Variants in TGFB3 observed in about 807,000 individuals in gnomAD.
The protein encoded by TGFB3 is transforming growth factor beta-3 proprotein.
A neutral mutation model predicts 40.1 loss-of-function variants in TGFB3; 5 were observed. The observed-to-expected ratio is 0.12, with a 90% CI of 0.07 to 0.26. The LOEUF is 0.26. Ranked by LOEUF, TGFB3 falls within the 10% of genes least tolerant of loss-of-function variation. The pLI, the probability that TGFB3 is intolerant of heterozygous loss-of-function variation, is 1.00. For missense variants in TGFB3, 373 were observed against 530.1 expected, an observed-to-expected ratio of 0.70 and a Z score of 2.91; for synonymous variants, 184 against 205.6, an observed-to-expected ratio of 0.89 and a Z score of 0.90.
chr14:75,978,299 C>A lies in TGFB3; in HGVS notation c.352+2243G>T, dbSNP rs1240399314. Among the ~76,000 whole-genome samples the A allele has an allele frequency of 6.6e-6, 1 of 152,184 alleles. No homozygotes were observed. The highest frequency in any genetic ancestry group is 1.5e-5 in the Non-Finnish European group (1 of 68,030). On this transcript the variant is annotated intron_variant, in intron 1 of 6. Transcript: ENST00000238682. This position sits in a 1 kb window ranked among gnomAD's most constrained non-coding sequence, Gnocchi z 5.0. Reference sequence around the variant, plus strand: ...GAGTTAAAGACAGGCTTCCTTCCCCCACCCCGCCCCGCCGCCTTGCAAGCC... The same window carrying A: ...GAGTTAAAGACAGGCTTCCTTCCCCAACCCCGCCCCGCCGCCTTGCAAGCC...
At chr14:75,964,378 T>C (rs1282369410) in intron 4 of TGFB3, among the ~76,000 whole-genome samples, 25 of 152,162 alleles carry the variant, frequency 1.6e-4, no homozygotes, top group Non-Finnish European at 3.4e-4. Flanking sequence ...GTGTTTTCAC[T>C]ATAAAATTCA....
At chr14:75,966,158 G>C in intron 3 of TGFB3, 1 of 230,014 alleles carries the variant, frequency 4.3e-6, no homozygotes, top group Non-Finnish European at 8.6e-6. Flanking sequence ...CTACGGACAG[G>C]GAGTAACTAA....
intron 3 of TGFB3, among the ~76,000 whole-genome samples, chr14:75,967,326 C>T (rs765859689): frequency 2.0e-5 from 3 of 152,204 alleles, no homozygotes; most frequent in Non-Finnish European, 2.9e-5. Flanking sequence ...CCAGCAGGTT[C>T]GCTCAGTGAG....
Position 75,971,537 on chromosome 14 carries a change from C to A in TGFB3, c.516+18G>T. On this transcript the variant is annotated intron_variant, in intron 2 of 6. Coordinates refer to ENST00000238682, the MANE Select transcript of TGFB3 (RefSeq NM_003239.5). This position sits in a 1 kb window ranked among gnomAD's most constrained non-coding sequence, Gnocchi z 4.5. ...AGCTTTCCCGTCGGTGTGGTTTCTG[C>A]TCTGAGAGAGGAGTTACCTGGAAGA... 6.2e-7 allele frequency: 1 copy of A among 1,613,880 alleles called. No individual in the cohort carries two copies. The highest frequency in any genetic ancestry group is 1.1e-5 in the South Asian group (1 of 90,990).
intron 5 of TGFB3, 81 bp downstream of exon 5, chr14:75,963,235 T>C: frequency 6.5e-7 from 1 of 1,530,304 alleles, no homozygotes; most frequent in East Asian, 2.2e-5. Context: ...CTGTTGAGTG[T>C]GGCTTGGCTC....
intron 3 of TGFB3, among the ~76,000 whole-genome samples, chr14:75,968,417 G>A (rs2035247222): frequency 6.6e-6 from 1 of 152,164 alleles, no homozygotes; most frequent in South Asian, 2.1e-4. Flanking sequence ...GGTGGGTGGG[G>A]GACCCATAGG....
Position 75,981,877 on chromosome 14 carries a change from C to G in TGFB3, c.-984G>C, listed in dbSNP as rs1222464820. On this transcript the variant is annotated 5_prime_UTR_variant, in exon 1 of 7. Transcript: ENST00000238682. The surrounding 1 kb of genome is among the most constrained non-coding windows in gnomAD (Gnocchi z 4.7). The stretch of plus-strand genomic sequence containing the variant: ...CGCCTCTTCCCCTGTCTCTGCCTCT[C>G]TCGCTCATTCCCTTGGACTTGACTC... The G allele has an allele frequency of 1.3e-5, 2 of 152,474 alleles. No individual in the cohort carries two copies. Among genetic ancestry groups the G allele is most frequent in the Non-Finnish European group, 2.9e-5 (2 of 68,204 alleles). The allele number at this position is 152,474 out of a possible 1,614,324, so 9.4% of individuals were successfully genotyped here. A position where few individuals can be genotyped will look rare whatever the true frequency, so the allele number is the denominator to read the frequency against.
At chr14:75,974,273 CTT>C (rs1363270526) in intron 1 of TGFB3, among the ~76,000 whole-genome samples, 1 of 152,108 alleles carries the variant, frequency 6.6e-6, no homozygotes, top group African/African-American at 2.4e-5. Context: ...TGGCCGTCCT[CTT>C]TGGTTTCTTC....
chr14:75,967,180 T>G (rs979995874), intron 3 of TGFB3, among the ~76,000 whole-genome samples: 7 of 152,362 alleles, frequency 4.6e-5, no homozygotes, highest in Non-Finnish European at 8.8e-5. Context: ...TTAGGTTGGC[T>G]TGGACATCCC....
Position 75,971,643 on chromosome 14 carries a change from C to G in TGFB3, c.428G>C (p.Arg143Thr). ...GAATTCTGCTCGGAATAGGTTGGTTCTATTTTTCTCCACTGAGGACACATT... is the reference window on the plus strand; with the variant it reads ...GAATTCTGCTCGGAATAGGTTGGTTGTATTTTTCTCCACTGAGGACACATT... ...RFNVSSVEKN[R>T]TNLFRAEFRV... The change falls in exon 2 of 7, where the codon AGA (arginine) becomes ACA (threonine). Residue 143 changes from arginine to threonine, a missense_variant. By Grantham distance (71) the Arg-to-Thr change is moderately conservative. Coordinates refer to ENST00000238682, the MANE Select transcript of TGFB3 (RefSeq NM_003239.5). The surrounding 1 kb of genome is among the most constrained non-coding windows in gnomAD (Gnocchi z 4.5). 1 of 1,614,256 alleles carries G rather than the reference C, an allele frequency of 6.2e-7. No homozygotes were observed. The highest frequency in any genetic ancestry group is 1.1e-5 in the South Asian group (1 of 91,088).
At position 75,965,649 on chromosome 14, in the gene TGFB3, G is replaced by A. The variant is rs780510419; in HGVS notation, c.693C>T (p.Thr231=). 4 of 1,614,206 alleles carry A rather than the reference G, an allele frequency of 2.5e-6. 1 individual carries two copies. The highest frequency in any genetic ancestry group is 2.2e-5 in the South Asian group (2 of 91,076). The change falls in exon 4 of 7, where the codon ACC becomes ACT. Residue 231 remains threonine (T), a synonymous_variant. Coordinates refer to ENST00000238682, the MANE Select transcript of TGFB3 (RefSeq NM_003239.5). ...CCAGGATATCTCCATTGGGCTGAAA[G>A]GTGTGACATGGACAGTGAATGCTGA... The part of the protein sequence containing the change: ...LEISIHCPCH[T]FQPNGDILEN...
chr14:75,968,416 G>T (rs776024132), intron 3 of TGFB3, among the ~76,000 whole-genome samples: 61 of 152,102 alleles, frequency 4.0e-4, no homozygotes, highest in Non-Finnish European at 7.2e-4. Flanking sequence ...TGGTGGGTGG[G>T]GGACCCATAG....
At chr14:75,969,261 G>A (rs2035258143) in intron 3 of TGFB3, among the ~76,000 whole-genome samples, 1 of 152,320 alleles carries the variant, frequency 6.6e-6, no homozygotes, top group Non-Finnish European at 1.5e-5. Context: ...GCATCAATAT[G>A]TGGATGGTCT....
chr14:75,967,785 G>T (rs2035237310), intron 3 of TGFB3, among the ~76,000 whole-genome samples: 1 of 152,150 alleles, frequency 6.6e-6, no homozygotes, highest in South Asian at 2.1e-4. Context: ...TAAACAGCTT[G>T]CCCAAGATAT....
At chr14:75,977,059 G>A (rs2035362125) in intron 1 of TGFB3, among the ~76,000 whole-genome samples, 1 of 152,206 alleles carries the variant, frequency 6.6e-6, no homozygotes, top group African/African-American at 2.4e-5. Flanking sequence ...GACCTCTACT[G>A]TGCAGAGGGC....
chr14:75,977,552 T>A (rs756289745), intron 1 of TGFB3, among the ~76,000 whole-genome samples: 2 of 152,030 alleles, frequency 1.3e-5, no homozygotes, highest in Non-Finnish European at 2.9e-5. Context: ...GAGGTCACTT[T>A]TACGTAGCTG....
At chr14:75,960,859 C>G in intron 6 of TGFB3, 64 bp downstream of exon 6, 2 of 1,606,284 alleles carry the variant, frequency 1.2e-6, no homozygotes, top group Admixed American at 1.7e-5. Context: ...TTCACTCATT[C>G]TTTTTAACAA....
chr14:75,975,368 A>AAAAATT (rs3831827), intron 1 of TGFB3, among the ~76,000 whole-genome samples: 109,968 of 150,424 alleles, frequency 0.73, 41,712 homozygotes, highest in Non-Finnish European at 0.83. Flanking sequence ...ACTCTGTCAA[A>AAAAATT]AAAATTAAAA....
chr14:75,971,825 C>T lies in TGFB3; in HGVS notation c.353-107G>A. ...GGCCACCGTCCCGCCTGCCACCTCC[C>T]TAGAGGCTTGAGGCCTCAGACCGCA... On this transcript the variant is annotated intron_variant, in intron 1 of 6. Transcript: ENST00000238682. The surrounding 1 kb of genome is among the most constrained non-coding windows in gnomAD (Gnocchi z 4.5). The T allele has an allele frequency of 7.5e-7, 1 of 1,333,714 alleles. No individual in the cohort carries two copies. Among genetic ancestry groups the T allele is most frequent in the Non-Finnish European group, 1.1e-6 (1 of 950,896 alleles). The allele number at this position is 1,333,714 out of a possible 1,614,324, so 82.6% of individuals were successfully genotyped here. A position where few individuals can be genotyped will look rare whatever the true frequency, so the allele number is the denominator to read the frequency against.
Sources: gnomAD v4.1 joint callset for allele counts (sites outside exome capture counted in the v4.1 genomes callset) on GRCh38, gnomAD v4.1.1 for gene constraint, Gnocchi (gnomAD v3.1) non-coding constraint, MANE v1.5 for transcripts, NCBI Gene and HGNC (gene_info 2026-07-23, HGNC 2026-07-21) for gene names.